Variants in POGK observed in about 807,000 individuals in gnomAD.
POGK encodes the protein pogo transposable element with KRAB domain.
In POGK, 16 loss-of-function variants were observed where a neutral mutation model predicts 54.4. The ratio of observed to expected loss-of-function variants is 0.29; its 90% CI spans 0.20 to 0.45. POGK has a LOEUF of 0.45. POGK is among the 20% of genes least tolerant of loss of function. POGK has a pLI of 1.00. For synonymous variants in POGK, 271 were observed against 302.2 expected (o/e 0.90, Z 1.07); for missense variants, 515 against 795.6 (o/e 0.65, Z 4.24).
chr1:166,839,753 C>G (rs1657397728), intron 1 of POGK, 149 bp downstream of exon 1: 1 of 147,402 alleles, frequency 6.8e-6, no homozygotes, highest in Admixed American at 6.7e-5. Context: ...GCGGCGCCGG[C>G]TCTCGCCGCC....
chr1:166,845,338 A>G (rs1245641113), intron 2 of POGK, among the ~76,000 whole-genome samples: 4 of 147,366 alleles, frequency 2.7e-5, no homozygotes, highest in African/African-American at 7.7e-5. Flanking sequence ...AGCCTGGGCA[A>G]CAGAGCAAGA....
chr1:166,841,037 G>A lies in POGK; in HGVS notation c.81G>A (p.Glu27=). The change falls in exon 2 of 6, where the codon GAG becomes GAA. Residue 27 remains glutamate, a synonymous_variant. Transcript: ENST00000367876. ...AAGAGATTCAGAGCCGGGAACTAGA[G>A]GACGGCCCGGCAGACATGCAGAAAG... is the stretch of plus-strand genomic sequence containing the variant. The part of the protein sequence containing the change: ...EEEEIQSREL[E]DGPADMQKVR... The A allele has an allele frequency of 6.2e-7, 1 of 1,614,024 alleles. No homozygotes were observed. Among genetic ancestry groups the A allele is most frequent in the Non-Finnish European group, 8.5e-7 (1 of 1,180,006 alleles).
chr1:166,850,217 C>T lies in POGK; in HGVS notation c.1638C>T (p.Leu546=), dbSNP rs374355761. The change falls in exon 5 of 6, where the codon CTC becomes CTT. Residue 546 remains leucine (L), a synonymous_variant. Transcript: ENST00000367876. ...ATGCTAAGAAGCCACCCCTGGGCCT[C>T]TTTCTGGAGTGGGTCATGGTCGCGT... The part of the protein sequence containing the change: ...TGNAKKPPLG[L]FLEWVMVAWN... 4 of 1,554,968 alleles carry T rather than the reference C, an allele frequency of 2.6e-6. No homozygotes were observed. The African/African-American group carries it at 4.1e-5, about 16-fold the overall frequency.
chr1:166,850,038 A>G lies in POGK; in HGVS notation c.1459A>G (p.Ser487Gly). The G allele has an allele frequency of 6.2e-7, 1 of 1,614,228 alleles. No individual in the cohort carries two copies. The highest frequency in any genetic ancestry group is 8.5e-7 in the Non-Finnish European group (1 of 1,180,036). The change falls in exon 5 of 6, where the codon AGC becomes GGC. Residue 487 changes from serine (S) to glycine (G), a missense_variant. Coordinates refer to ENST00000367876, the MANE Select transcript of POGK (RefSeq NM_017542.5). ...ATDSVKNSMESMNTDMVIIPG... is the reference protein window; with the variant it reads ...ATDSVKNSMEGMNTDMVIIPG... ...AGATTCCGTGAAGAACTCCATGGAA[A>G]GCATGAACACTGACATGGTGATCAT...
At chr1:166,840,027 G>C (rs1018179181) in intron 1 of POGK, 2 of 152,288 alleles carry the variant, frequency 1.3e-5, no homozygotes, top group East Asian at 3.9e-4. Flanking sequence ...CGCCAAGTTC[G>C]GGCCCCAGCT....
rs771043944 is a variant in POGK, at chr1:166,846,674, G to A, written c.195G>A (p.Thr65=). The A allele has an allele frequency of 2.2e-5, 35 of 1,613,978 alleles. No individual in the cohort carries two copies. Among genetic ancestry groups the A allele is most frequent in the Admixed American group, 5.0e-5 (3 of 60,006 alleles). Residue 65 remains threonine (T), a synonymous_variant, in exon 3 of 6, where the codon ACG becomes ACA. Transcript: ENST00000367876. The part of the protein sequence containing the change: ...YFSDEEWEVL[T]EQQKALYREV... ...CCGATGAGGAATGGGAAGTTTTGAC[G>A]GAGCAACAAAAGGCCCTCTACCGGG...
At chr1:166,847,438 G>T in intron 3 of POGK, 56 bp from the exon 4 acceptor site, 2 of 1,338,576 alleles carry the variant, frequency 1.5e-6, no homozygotes, top group African/African-American at 1.5e-5. Context: ...ACTTATTTTG[G>T]TAGTGCTCCA....
chr1:166,843,109 TG>T (rs1413139213), intron 2 of POGK, among the ~76,000 whole-genome samples: 1 of 152,194 alleles, frequency 6.6e-6, no homozygotes, highest in Non-Finnish European at 1.5e-5. Context: ...TGCTTTGAAC[TG>T]AGTCTTAGTC....
intron 3 of POGK, 86 bp from the exon 4 acceptor site, chr1:166,847,408 G>A (rs1034412816): frequency 1.3e-5 from 13 of 977,810 alleles, no homozygotes; most frequent in Admixed American, 1.2e-4. Flanking sequence ...GGGGAGAGTG[G>A]CTCTTAAGTA....
intron 4 of POGK, among the ~76,000 whole-genome samples, chr1:166,847,884 G>T (rs1657909257): frequency 6.6e-6 from 1 of 152,140 alleles, no homozygotes; most frequent in Non-Finnish European, 1.5e-5. Flanking sequence ...TGCACCTTCT[G>T]GCTGAACAGG....
Position 166,850,370 on chromosome 1 carries a change from A to G in POGK, c.1791A>G (p.Pro597=). 6.2e-7 allele frequency: 1 copy of G among 1,612,974 alleles called. No homozygotes were observed. Among genetic ancestry groups the G allele is most frequent in the East Asian group, 2.2e-5 (1 of 44,884 alleles). The part of the protein sequence containing the change: ...ESELPGGGEP[P]KDCDTESMAE... Reference sequence around the variant, plus strand: ...AGTTGCCAGGAGGAGGAGAACCACCAAAAGATTGTGACACCGAAAGCATGG... The same window carrying G: ...AGTTGCCAGGAGGAGGAGAACCACCGAAAGATTGTGACACCGAAAGCATGG... Residue 597 remains proline (P), a synonymous_variant, in exon 5 of 6, where the codon CCA becomes CCG. Transcript: ENST00000367876.
At chr1:166,844,053 CACAG>C (rs1371165736) in intron 2 of POGK, among the ~76,000 whole-genome samples, 1 of 152,232 alleles carries the variant, frequency 6.6e-6, no homozygotes. Context: ...GCTCCATTCT[CACAG>C]AGGCTTGCTG....
Position 166,846,642 on chromosome 1 carries a change from T to C in POGK, c.163T>C (p.Tyr55His). ...GGCCCTATTTGATGAGGTGGCCATA[T>C]ATTTTTCCGATGAGGAATGGGAAGT... The part of the protein sequence containing the change: ...VPALFDEVAI[Y>H]FSDEEWEVLT... The change falls in exon 3 of 6, where the codon TAT becomes CAT. Residue 55 changes from tyrosine (Y) to histidine (H), a missense_variant. Physicochemically the swap from Tyr to His is moderately conservative, Grantham distance 83. This residue lies in a region of POGK where 461 missense variants were observed against 743.5 expected (regional missense o/e 0.62). Transcript: ENST00000367876. The C allele has an allele frequency of 6.2e-7, 1 of 1,614,212 alleles. No homozygotes were observed. The highest frequency in any genetic ancestry group is 1.1e-5 in the South Asian group (1 of 91,084).
intron 4 of POGK, 109 bp downstream of exon 4, chr1:166,847,701 T>C: frequency 1.2e-6 from 1 of 827,072 alleles, no homozygotes; most frequent in Non-Finnish European, 1.9e-6. Flanking sequence ...TTATGGGTTT[T>C]GGAGTTTTGA....
chr1:166,856,223 T>G lies in POGK; in HGVS notation c.*3653T>G, dbSNP rs1658268733. On this transcript the variant is annotated 3_prime_UTR_variant, in exon 6 of 6. Transcript: ENST00000367876. ...GGTGGTGTGAATCTGTAGTCCCAGC[T>G]ACTTAGGAGGTTGCGATGGGAGAAT... 1 of 151,732 alleles carries G rather than the reference T, an allele frequency of 6.6e-6. No homozygotes were observed. The highest frequency in any genetic ancestry group is 1.5e-5 in the Non-Finnish European group (1 of 67,998). The allele number at this position is 151,732 out of a possible 1,614,324, so 9.4% of individuals were successfully genotyped here. A position where few individuals can be genotyped will look rare whatever the true frequency, so the allele number is the denominator to read the frequency against.
Position 166,849,655 on chromosome 1 carries a change from A to G in POGK, c.1076A>G (p.Gln359Arg), listed in dbSNP as rs1201136914. 1.2e-6 allele frequency: 2 copies of G among 1,613,812 alleles called. No individual in the cohort carries two copies. The highest frequency in any genetic ancestry group is 1.7e-6 in the Non-Finnish European group (2 of 1,179,734). ...LRRAHDYEVA[Q>R]MGNADETPIC... The stretch of plus-strand genomic sequence containing the variant: ...AGGGCGCATGACTATGAGGTAGCTC[A>G]GATGGGGAATGCAGATGAGACGCCC... Residue 359 changes from glutamine to arginine, a missense_variant, in exon 5 of 6, where the codon CAG (glutamine) becomes CGG (arginine). This residue lies in a region of POGK where 461 missense variants were observed against 743.5 expected (regional missense o/e 0.62). Transcript: ENST00000367876.
intron 1 of POGK, 160 bp downstream of exon 1, chr1:166,839,764 C>G (rs1657398551): frequency 6.8e-6 from 1 of 148,030 alleles, no homozygotes; most frequent in African/African-American, 2.4e-5. Context: ...TCTCGCCGCC[C>G]GGCAGGTGCG....
chr1:166,849,083 C>T lies in POGK; in HGVS notation c.504C>T (p.Tyr168=). 6.2e-7 allele frequency: 1 copy of T among 1,614,124 alleles called. No homozygotes were observed. Among genetic ancestry groups the T allele is most frequent in the Non-Finnish European group, 8.5e-7 (1 of 1,180,024 alleles). ...AGCTGCCCGAGTGGAGTGAGGGGTA[C>T]CCCTTCTACATGGCCATGGGCTTCC... The part of the protein sequence containing the change: ...ITELPEWSEG[Y]PFYMAMGFPG... Residue 168 remains tyrosine, a synonymous_variant, in exon 5 of 6, where the codon TAC becomes TAT. Transcript: ENST00000367876.
intron 3 of POGK, 94 bp downstream of exon 3, chr1:166,846,832 C>G: frequency 6.6e-7 from 1 of 1,506,468 alleles, no homozygotes; most frequent in Non-Finnish European, 9.1e-7. Flanking sequence ...GTCCCTCTCT[C>G]CTGAACTTAG....
Sources: gnomAD v4.1 joint callset for allele counts (sites outside exome capture counted in the v4.1 genomes callset) on GRCh38, gnomAD v4.1.1 for gene constraint, gnomAD v4.1.1 regional missense constraint, MANE v1.5 for transcripts, NCBI Gene and HGNC (gene_info 2026-07-23, HGNC 2026-07-21) for gene names.